Variants in KIAA1549L observed in about 807,000 individuals in gnomAD.
KIAA1549L encodes the protein KIAA1549 like, also known as UPF0606 protein KIAA1549L.
In KIAA1549L, 88 loss-of-function variants were observed where a neutral mutation model predicts 160.7. That is an observed-to-expected ratio of 0.55 (90% CI 0.46 to 0.65). The LOEUF (loss-of-function observed/expected upper bound fraction) is 0.65. Ranked by LOEUF, KIAA1549L falls within the 30% of genes least tolerant of loss-of-function variation. The probability of loss-of-function intolerance (pLI) is 0.00; values close to 1 mark genes in which losing one functional copy is unlikely to be tolerated. For missense variants in KIAA1549L, 2,258 were observed against 2,437.5 expected (o/e 0.93, Z 1.55); for synonymous variants, 950 against 976.7 (o/e 0.97, Z 0.51).
At chr11:33,410,561 G>C (rs1303255406) in intron 1 of KIAA1549L, among the ~76,000 whole-genome samples, 5 of 152,172 alleles carry the variant, frequency 3.3e-5, no homozygotes, top group Non-Finnish European at 7.4e-5. Flanking sequence ...CTCATACTTT[G>C]CTTTCCAACA....
At chr11:33,470,928 T>C (rs919681189) in intron 1 of KIAA1549L, among the ~76,000 whole-genome samples, 1 of 152,190 alleles carries the variant, frequency 6.6e-6, no homozygotes, top group Non-Finnish European at 1.5e-5. Flanking sequence ...GCAGTGTTGG[T>C]GAATGGGCAG....
Position 33,542,704 on chromosome 11 carries a change from T to C in KIAA1549L, c.1141T>C (p.Ser381Pro). ...CTCATGGTCAATGTTGGAAGTGGCT[T>C]CAGGTCCTGCATCCACCCAGCAGAT... ...SPSWSMLEVA[S>P]GPASTQQIKA... Residue 381 changes from serine (S) to proline (P), a missense_variant, in exon 2 of 21, where the codon TCA becomes CCA. Ser to Pro is a moderately conservative substitution (Grantham distance 74). Around this residue, in one of 6 missense-constraint regions of KIAA1549L, gnomAD observed 540 missense variants for 465.7 expected, o/e 1.16. Coordinates refer to ENST00000658780, the MANE Select transcript of KIAA1549L (RefSeq NM_012194.3). 1 of 1,613,954 alleles carries C rather than the reference T, an allele frequency of 6.2e-7. No individual in the cohort carries two copies. The highest frequency in any genetic ancestry group is 8.5e-7 in the Non-Finnish European group (1 of 1,179,860).
Position 33,412,189 on chromosome 11 carries a change from C to T in KIAA1549L, c.238+35300C>T, listed in dbSNP as rs117350640. 5.5e-3 allele frequency among the ~76,000 whole-genome samples: 837 copies of T among 152,226 alleles called. 5 individuals are homozygous for T. The highest frequency in any genetic ancestry group is 9.6e-3 in the Non-Finnish European group (653 of 68,012). On this transcript the variant is annotated intron_variant, in intron 1 of 20. Coordinates refer to ENST00000658780, the MANE Select transcript of KIAA1549L (RefSeq NM_012194.3). The stretch of plus-strand genomic sequence containing the variant: ...GAGTCTGTGTTATAGTCAATAAAAA[C>T]GGTGATGCTTAAATCAGCTAATGCT...
chr11:33,385,813 A>G (rs1291667336), intron 1 of KIAA1549L, among the ~76,000 whole-genome samples: 2 of 151,182 alleles, frequency 1.3e-5, no homozygotes, highest in African/African-American at 4.9e-5. Context: ...TTCTCTCATC[A>G]ATGTTTTATA....
intron 17 of KIAA1549L, among the ~76,000 whole-genome samples, chr11:33,648,718 A>C (rs941807515): frequency 1.3e-5 from 2 of 151,730 alleles, no homozygotes; most frequent in African/African-American, 4.8e-5. Flanking sequence ...CTCCACATCT[A>C]ATGTCCAATC....
Position 33,437,440 on chromosome 11 carries a change from G to A in KIAA1549L, c.238+60551G>A, listed in dbSNP as rs76527496. On this transcript the variant is annotated intron_variant, in intron 1 of 20. Coordinates refer to ENST00000658780, the MANE Select transcript of KIAA1549L (RefSeq NM_012194.3). Reference sequence around the variant, plus strand: ...AAGATCGAAGAGCCCTGGACCGGGAGGTGTCATCGCAGAAACTGGGCATTG... The same window carrying A: ...AAGATCGAAGAGCCCTGGACCGGGAAGTGTCATCGCAGAAACTGGGCATTG... 1.5e-4 allele frequency among the ~76,000 whole-genome samples: 23 copies of A among 152,322 alleles called. No individual in the cohort carries two copies. In the East Asian group the frequency reaches 4.2e-3, roughly 28 times the overall value.
At chr11:33,600,067 T>C (rs1850315082) in intron 13 of KIAA1549L, among the ~76,000 whole-genome samples, 1 of 152,216 alleles carries the variant, frequency 6.6e-6, no homozygotes, top group African/African-American at 2.4e-5. Flanking sequence ...GGATTTGTAT[T>C]CTGTAGGGAA....
chr11:33,667,051 G>T (rs370193208), intron 20 of KIAA1549L, among the ~76,000 whole-genome samples: 14 of 152,332 alleles, frequency 9.2e-5, no homozygotes, highest in South Asian at 4.1e-4. Context: ...GTAACTAAGT[G>T]CTGGGCATGG....
intron 1 of KIAA1549L, among the ~76,000 whole-genome samples, chr11:33,518,034 G>A (rs1201104152): frequency 6.7e-6 from 1 of 150,230 alleles, no homozygotes; most frequent in Non-Finnish European, 1.5e-5. Flanking sequence ...CAGCTACTAG[G>A]GAGGCTGAGG....
chr11:33,506,759 T>TG (rs1041553065), intron 1 of KIAA1549L, among the ~76,000 whole-genome samples: 3 of 150,888 alleles, frequency 2.0e-5, no homozygotes, highest in Admixed American at 2.0e-4. Flanking sequence ...AACATTCAGA[T>TG]GAAAGCCCAT....
At chr11:33,460,669 G>A (rs1851924556) in intron 1 of KIAA1549L, among the ~76,000 whole-genome samples, 1 of 152,244 alleles carries the variant, frequency 6.6e-6, no homozygotes, top group South Asian at 2.1e-4. Context: ...TTTATGCATA[G>A]TGGAGAAGTT....
chr11:33,528,336 G>A lies in KIAA1549L; in HGVS notation c.239-13466G>A, dbSNP rs576573794. Among the ~76,000 whole-genome samples the A allele has an allele frequency of 2.0e-5, 3 of 152,332 alleles. No homozygotes were observed. The South Asian group carries it at 6.2e-4, about 32-fold the overall frequency. On this transcript the variant is annotated intron_variant, in intron 1 of 20. Coordinates refer to ENST00000658780, the MANE Select transcript of KIAA1549L (RefSeq NM_012194.3). ...AAAAATCAAAACATAAGAAATGTTG[G>A]TATGGATGTGGTGAAAAGGGAATAC...
At chr11:33,439,779 C>G (rs1322609111) in intron 1 of KIAA1549L, among the ~76,000 whole-genome samples, 1 of 151,922 alleles carries the variant, frequency 6.6e-6, no homozygotes, top group Non-Finnish European at 1.5e-5. Flanking sequence ...TAGTTTTGAC[C>G]TCAAAACTTA....
chr11:33,444,034 G>A (rs1274620947), intron 1 of KIAA1549L, among the ~76,000 whole-genome samples: 1 of 152,100 alleles, frequency 6.6e-6, no homozygotes, highest in Non-Finnish European at 1.5e-5. Context: ...AGGGTTTCCA[G>A]TAAAATATTA....
At chr11:33,550,017 C>CA (rs1196936525) in intron 4 of KIAA1549L, among the ~76,000 whole-genome samples, 73 of 132,810 alleles carry the variant, frequency 5.5e-4, no homozygotes, top group Middle Eastern at 3.6e-3. Context: ...AAACAAAAAA[C>CA]AAAAAAAACA....
At chr11:33,443,822 A>C (rs1851557573) in intron 1 of KIAA1549L, among the ~76,000 whole-genome samples, 1 of 152,196 alleles carries the variant, frequency 6.6e-6, no homozygotes, top group Non-Finnish European at 1.5e-5. Context: ...TTTAAATTAC[A>C]TCTCTAATCT....
chr11:33,633,424 A>T (rs1309184873), intron 16 of KIAA1549L, among the ~76,000 whole-genome samples: 1 of 152,032 alleles, frequency 6.6e-6, no homozygotes, highest in East Asian at 1.9e-4. Flanking sequence ...TTTTAGACAC[A>T]GATAGAGTGA....
intron 1 of KIAA1549L, among the ~76,000 whole-genome samples, chr11:33,396,099 T>C (rs1311712558): frequency 6.6e-6 from 1 of 152,170 alleles, no homozygotes; most frequent in Non-Finnish European, 1.5e-5. Context: ...TTGCTAGTTA[T>C]TATGGGACCA....
At chr11:33,461,292 A>C (rs1851937350) in intron 1 of KIAA1549L, among the ~76,000 whole-genome samples, 1 of 152,206 alleles carries the variant, frequency 6.6e-6, no homozygotes, top group Non-Finnish European at 1.5e-5. Flanking sequence ...CGTACCAGGC[A>C]CTTAACCCAT....
Sources: gnomAD v4.1 joint callset for allele counts (sites outside exome capture counted in the v4.1 genomes callset) on GRCh38, gnomAD v4.1.1 for gene constraint, gnomAD v4.1.1 regional missense constraint, MANE v1.5 for transcripts, NCBI Gene and HGNC (gene_info 2026-07-23, HGNC 2026-07-21) for gene names.